Variants in ITGB8 observed in about 807,000 individuals in gnomAD.
ITGB8 encodes the protein integrin beta-8.
In ITGB8, 30 loss-of-function variants were observed where a neutral mutation model predicts 89.5. The ratio of observed to expected loss-of-function variants is 0.34; its 90% CI spans 0.25 to 0.45. ITGB8 has a LOEUF of 0.45. Ranked by LOEUF, ITGB8 falls within the 20% of genes least tolerant of loss-of-function variation. The pLI, the probability that ITGB8 is intolerant of heterozygous loss-of-function variation, is 1.00. For missense variants in ITGB8, 836 were observed against 933.3 expected (o/e 0.90, Z 1.36); for synonymous variants, 335 against 320.4 (o/e 1.05, Z -0.49).
At chr7:20,347,338 C>T (rs2128130005) in intron 1 of ITGB8, among the ~76,000 whole-genome samples, 1 of 152,166 alleles carries the variant, frequency 6.6e-6, no homozygotes, top group Non-Finnish European at 1.5e-5. Flanking sequence ...ACTGTATCAG[C>T]AAAAGAAACT....
chr7:20,391,990 G>T (rs891690611), intron 7 of ITGB8, among the ~76,000 whole-genome samples: 1 of 152,132 alleles, frequency 6.6e-6, no homozygotes, highest in Admixed American at 6.5e-5. Context: ...CGAAGTGTCT[G>T]AGCCAGTCAA....
At chr7:20,365,196 CTGATAGA>C (rs1785647142) in intron 2 of ITGB8, 2 of 152,242 alleles carry the variant, frequency 1.3e-5, no homozygotes, top group Non-Finnish European at 1.5e-5. Flanking sequence ...AATCAGTTGT[CTGATAGA>C]AAGAGCTAAG....
intron 1 of ITGB8, chr7:20,353,082 G>C (rs1300097121): frequency 2.6e-5 from 4 of 152,190 alleles, no homozygotes; most frequent in African/African-American, 9.7e-5. Flanking sequence ...CTAGAGTTTT[G>C]ATTTATGCCA....
At chr7:20,373,026 A>G (rs892475606) in intron 3 of ITGB8, among the ~76,000 whole-genome samples, 3 of 152,184 alleles carry the variant, frequency 2.0e-5, no homozygotes, top group Admixed American at 1.3e-4. Flanking sequence ...GGCTTGATAT[A>G]ATGCATACCT....
chr7:20,403,505 T>C (rs1207926615), intron 10 of ITGB8, among the ~76,000 whole-genome samples: 1 of 152,226 alleles, frequency 6.6e-6, no homozygotes, highest in Non-Finnish European at 1.5e-5. Context: ...TGACATGTAC[T>C]TTCTCCACTA....
intron 8 of ITGB8, among the ~76,000 whole-genome samples, chr7:20,396,833 G>C (rs1787102480): frequency 6.6e-6 from 1 of 152,180 alleles, no homozygotes; most frequent in Admixed American, 6.5e-5. Flanking sequence ...GCAACATTTG[G>C]TTATTTTGCC....
At chr7:20,382,617 C>A (rs540098943) in intron 6 of ITGB8, among the ~76,000 whole-genome samples, 1 of 152,156 alleles carries the variant, frequency 6.6e-6, no homozygotes, top group African/African-American at 2.4e-5. Flanking sequence ...GTTCATGAGA[C>A]CCTAGTCTCT....
At chr7:20,371,270 G>T (rs1785923870) in intron 3 of ITGB8, among the ~76,000 whole-genome samples, 1 of 151,942 alleles carries the variant, frequency 6.6e-6, no homozygotes, top group South Asian at 2.1e-4. Flanking sequence ...ACATAAATAT[G>T]ATTACATTTT....
At chr7:20,406,523 CT>C (rs1787551782) in intron 12 of ITGB8, among the ~76,000 whole-genome samples, 1 of 147,764 alleles carries the variant, frequency 6.8e-6, no homozygotes, top group Non-Finnish European at 1.5e-5. Flanking sequence ...GCATTGCAGC[CT>C]GGGCAACAAG....
rs1343812759 is a variant in ITGB8 at position 20,411,545 on chromosome 7, T to G, written c.*1548T>G. On this transcript the variant is annotated 3_prime_UTR_variant, in exon 14 of 14. Coordinates refer to ENST00000222573, the MANE Select transcript of ITGB8 (RefSeq NM_002214.3). ...ACACTCAAGTGATAAAGTGGCCACA[T>G]TGGAAAGGAGTTTTTATCTTCTCAT... is the stretch of plus-strand genomic sequence containing the variant. 6.6e-6 allele frequency: 1 copy of G among 152,586 alleles called. No homozygotes were observed. Among genetic ancestry groups the G allele is most frequent in the Non-Finnish European group, 1.5e-5 (1 of 68,026 alleles). The allele number at this position is 152,586 out of a possible 1,614,324, so 9.5% of individuals were successfully genotyped here.
intron 1 of ITGB8, among the ~76,000 whole-genome samples, chr7:20,357,591 C>G (rs765042306): frequency 4.6e-5 from 7 of 152,220 alleles, no homozygotes; most frequent in Non-Finnish European, 1.0e-4. Flanking sequence ...CGAATGCCTA[C>G]TATGCCGTGA....
At chr7:20,333,222 A>G (rs1296661731) in intron 1 of ITGB8, among the ~76,000 whole-genome samples, 2 of 152,198 alleles carry the variant, frequency 1.3e-5, no homozygotes, top group Admixed American at 6.5e-5. Flanking sequence ...TATTTGTTTC[A>G]GGGAGATTTG....
intron 9 of ITGB8, among the ~76,000 whole-genome samples, chr7:20,401,225 C>A (rs138020156): frequency 3.3e-5 from 5 of 152,100 alleles, no homozygotes; most frequent in Non-Finnish European, 7.4e-5. Flanking sequence ...GTGATCCAAC[C>A]GCCTAAGCCT....
At chr7:20,357,185 T>G (rs187831849) in intron 1 of ITGB8, among the ~76,000 whole-genome samples, 22 of 152,334 alleles carry the variant, frequency 1.4e-4, no homozygotes, top group Non-Finnish European at 2.9e-4. Context: ...ATGCAGGTGT[T>G]CTAAGAGATC....
intron 3 of ITGB8, among the ~76,000 whole-genome samples, chr7:20,370,546 C>A (rs924488376): frequency 6.6e-6 from 1 of 150,610 alleles, no homozygotes; most frequent in Non-Finnish European, 1.5e-5. Flanking sequence ...TGAAGGAATA[C>A]ATCATCTCTG....
At position 20,409,739 on chromosome 7, in the gene ITGB8, T is replaced by G. The variant is rs146509338; in HGVS notation, c.2148T>G (p.Ile716Met). 1.6e-4 allele frequency: 257 copies of G among 1,612,774 alleles called. 2 individuals carry two copies. The South Asian group carries it at 1.9e-3, about 12-fold the overall frequency. The change falls in exon 13 of 14, where the codon ATT becomes ATG. Residue 716 changes from isoleucine (I) to methionine (M), a missense_variant. Ile to Met is a conservative substitution (Grantham distance 10). Transcript: ENST00000222573. Reference sequence around the variant, plus strand: ...TACTACAATGGAATAGTAATAAAATTAAGTCCTCATCAGATTACAGAGTGT... The same window carrying G: ...TACTACAATGGAATAGTAATAAAATGAAGTCCTCATCAGATTACAGAGTGT... ...QVILQWNSNK[I>M]KSSSDYRVSA...
chr7:20,396,381 C>T (rs986069646), intron 8 of ITGB8, among the ~76,000 whole-genome samples: 20 of 150,988 alleles, frequency 1.3e-4, no homozygotes, highest in African/African-American at 4.4e-4. Flanking sequence ...TGCAATGAGC[C>T]GAGATTGCGC....
At chr7:20,397,346 G>A (rs1263462231) in intron 8 of ITGB8, among the ~76,000 whole-genome samples, 1 of 151,930 alleles carries the variant, frequency 6.6e-6, no homozygotes, top group Non-Finnish European at 1.5e-5. Context: ...CCTGCCTCAA[G>A]CTCCAGAGTA....
At chr7:20,386,041 T>C (rs545496129) in intron 6 of ITGB8, among the ~76,000 whole-genome samples, 2 of 152,304 alleles carry the variant, frequency 1.3e-5, no homozygotes, top group African/African-American at 2.4e-5. Context: ...GCTTCTCAGG[T>C]TTGTCTCAGA....
Sources: allele counts gnomAD v4.1 joint callset (sites outside exome capture counted in the v4.1 genomes callset), GRCh38; gene constraint gnomAD v4.1.1; transcripts MANE v1.5; gene names NCBI Gene and HGNC (gene_info 2026-07-23, HGNC 2026-07-21).